The following SLC9C2 variants were observed in gnomAD, a reference collection of about 807,000 sequenced individuals.
SLC9C2 encodes the protein solute carrier family 9 member C2 (putative), also known as sodium/hydrogen exchanger 11.
SLC9C2 carries 75 observed loss-of-function variants against 140.2 expected under a neutral mutation model. That is an observed-to-expected ratio of 0.53 (90% CI 0.44 to 0.65). SLC9C2 has a LOEUF of 0.65. SLC9C2 is among the 30% of genes least tolerant of loss of function. SLC9C2 has a pLI of 0.00. For synonymous variants in SLC9C2, 375 were observed against 420.9 expected, an observed-to-expected ratio of 0.89 and a Z score of 1.34; for missense variants, 1,074 against 1,331.8, an observed-to-expected ratio of 0.81 and a Z score of 3.01.
At chr1:173,512,892 C>T (rs1490030462) in intron 23 of SLC9C2, among the ~76,000 whole-genome samples, 2 of 152,194 alleles carry the variant, frequency 1.3e-5, no homozygotes, top group Admixed American at 1.3e-4. Flanking sequence ...GCCTTTTCTG[C>T]ATCTGTTGAG....
At chr1:173,586,641 C>A (rs926007764) in intron 5 of SLC9C2, among the ~76,000 whole-genome samples, 22 of 152,118 alleles carry the variant, frequency 1.4e-4, no homozygotes, top group African/African-American at 4.8e-4. Context: ...AATGCCCATC[C>A]ATGATAGACT....
At chr1:173,531,626 T>C (rs1661585440) in intron 17 of SLC9C2, among the ~76,000 whole-genome samples, 1 of 152,188 alleles carries the variant, frequency 6.6e-6, no homozygotes, top group Non-Finnish European at 1.5e-5. Flanking sequence ...AGGCTGCCTG[T>C]TGTTTCCCTG....
chr1:173,522,763 C>G (rs775155347), intron 21 of SLC9C2, among the ~76,000 whole-genome samples: 4 of 152,154 alleles, frequency 2.6e-5, no homozygotes, highest in Non-Finnish European at 5.9e-5. Flanking sequence ...TGTGCTCTCT[C>G]CAGCTCTGCT....
intron 9 of SLC9C2, among the ~76,000 whole-genome samples, chr1:173,567,954 G>A (rs10912647): frequency 6.6e-6 from 1 of 151,772 alleles, no homozygotes. Flanking sequence ...GATAAAAAAC[G>A]ATACACTTTG....
At chr1:173,561,196 T>C (rs1191220167) in intron 9 of SLC9C2, among the ~76,000 whole-genome samples, 4 of 152,192 alleles carry the variant, frequency 2.6e-5, no homozygotes, top group Non-Finnish European at 4.4e-5. Flanking sequence ...TATAAACTTC[T>C]TGAGGAGAGA....
In SLC9C2 at chr1:173,575,079, C is replaced by T. The variant is rs114184808; in HGVS notation, c.902+1582G>A. 6.6e-3 allele frequency among the ~76,000 whole-genome samples: 1,002 copies of T among 152,184 alleles called. 8 individuals are homozygous for T. Among genetic ancestry groups the T allele is most frequent in the Non-Finnish European group, 0.011 (717 of 68,028 alleles). Reference sequence around the variant, plus strand: ...AGGCCATAGTGAGCTTTGATAGTGCCATTGCCCCTCAGCCTGGAAGGCAAA... The same window carrying T: ...AGGCCATAGTGAGCTTTGATAGTGCTATTGCCCCTCAGCCTGGAAGGCAAA... On this transcript the variant is annotated intron_variant, in intron 8 of 27. Coordinates refer to ENST00000367714, the MANE Select transcript of SLC9C2 (RefSeq NM_178527.4).
chr1:173,568,465 C>G (rs1325735443), intron 9 of SLC9C2, among the ~76,000 whole-genome samples: 6 of 152,108 alleles, frequency 3.9e-5, no homozygotes, highest in Admixed American at 1.3e-4. Flanking sequence ...TGATCTCAGT[C>G]TTTTTTATGG....
chr1:173,547,912 G>T, intron 12 of SLC9C2, 128 bp from the exon 13 acceptor site: 1 of 664,414 alleles, frequency 1.5e-6, no homozygotes. Context: ...TTGCTAGAAT[G>T]AAGAGCTATG....
chr1:173,579,826 TG>T (rs948049945), intron 7 of SLC9C2, among the ~76,000 whole-genome samples: 16 of 152,168 alleles, frequency 1.1e-4, no homozygotes, highest in Non-Finnish European at 2.4e-4. Flanking sequence ...CTTGAAAAGT[TG>T]TATGTCAGAA....
intron 3 of SLC9C2, among the ~76,000 whole-genome samples, chr1:173,599,014 G>T (rs940985106): frequency 2.0e-5 from 3 of 152,172 alleles, no homozygotes; most frequent in Non-Finnish European, 4.4e-5. Context: ...TGTATCTATG[G>T]TATATATTAT....
At chr1:173,540,310 A>G (rs1240574023) in intron 13 of SLC9C2, among the ~76,000 whole-genome samples, 2 of 152,222 alleles carry the variant, frequency 1.3e-5, no homozygotes, top group Non-Finnish European at 2.9e-5. Context: ...GAGACCAACA[A>G]TAGAATCACC....
chr1:173,574,723 G>A (rs1350042429), intron 8 of SLC9C2, among the ~76,000 whole-genome samples: 2 of 139,652 alleles, frequency 1.4e-5, no homozygotes, highest in African/African-American at 4.9e-5. Flanking sequence ...TGTTAGCCAG[G>A]ATGGTCTTGA....
intron 5 of SLC9C2, among the ~76,000 whole-genome samples, chr1:173,583,963 AT>A (rs1481118354): frequency 6.6e-6 from 1 of 152,212 alleles, no homozygotes; most frequent in East Asian, 1.9e-4. Flanking sequence ...CATTTTAGAA[AT>A]AAGTACAAAA....
intron 4 of SLC9C2, among the ~76,000 whole-genome samples, chr1:173,590,739 G>A (rs1273651398): frequency 6.6e-6 from 1 of 152,102 alleles, no homozygotes; most frequent in Non-Finnish European, 1.5e-5. Flanking sequence ...CTAACGGGCA[G>A]GAGATAATGT....
Position 173,559,644 on chromosome 1 carries a change from C to T in SLC9C2, c.1047-2136G>A, listed in dbSNP as rs142592844. Reference sequence around the variant, plus strand: ...ACTTTGGTGACCCTTCTGGCAAACTCACCAAATATCTTCTGAATTCACCAC... The same window carrying T: ...ACTTTGGTGACCCTTCTGGCAAACTTACCAAATATCTTCTGAATTCACCAC... On this transcript the variant is annotated intron_variant, in intron 9 of 27. Transcript: ENST00000367714. Among the ~76,000 whole-genome samples the T allele has an allele frequency of 6.6e-3, 1,010 of 152,282 alleles. 6 individuals are homozygous for T. Among genetic ancestry groups the T allele is most frequent in the African/African-American group, 0.022 (909 of 41,554 alleles).
At chr1:173,509,810 G>T in intron 23 of SLC9C2, 111 bp from the exon 24 acceptor site, 3 of 1,064,852 alleles carry the variant, frequency 2.8e-6, no homozygotes, top group Non-Finnish European at 4.0e-6. Flanking sequence ...ATCAATTCTA[G>T]CATAATTATG....
At chr1:173,513,306 G>T (rs1660179784) in intron 23 of SLC9C2, among the ~76,000 whole-genome samples, 1 of 135,918 alleles carries the variant, frequency 7.4e-6, no homozygotes, top group Non-Finnish European at 1.5e-5. Context: ...GCTTTTTTTG[G>T]TTGGCAGGCT....
intron 25 of SLC9C2, among the ~76,000 whole-genome samples, chr1:173,505,863 G>A (rs1659600996): frequency 1.3e-5 from 2 of 152,094 alleles, no homozygotes; most frequent in Non-Finnish European, 1.5e-5. Flanking sequence ...GAAGGAAATT[G>A]AGGGTCAGAA....
At chr1:173,504,937 C>T (rs1392570997) in intron 26 of SLC9C2, among the ~76,000 whole-genome samples, 3 of 152,226 alleles carry the variant, frequency 2.0e-5, no homozygotes, top group African/African-American at 7.2e-5. Context: ...CCCATTCTTG[C>T]ACTGCCAGCA....
Sources: allele counts gnomAD v4.1 joint callset (sites outside exome capture counted in the v4.1 genomes callset), GRCh38; gene constraint gnomAD v4.1.1; transcripts MANE v1.5; gene names NCBI Gene and HGNC (gene_info 2026-07-23, HGNC 2026-07-21).